The following BECN1 variants were observed in gnomAD, a reference collection of about 807,000 sequenced individuals.
BECN1 encodes the protein beclin 1, also known as beclin-1.
Under a neutral mutation model 60.1 loss-of-function variants are expected in BECN1, and 15 were observed. The ratio of observed to expected loss-of-function variants is 0.25; its 90% CI spans 0.17 to 0.38. The LOEUF is 0.38. Among genes scored for constraint, BECN1 ranks in the 10% least tolerant of loss-of-function variants. The probability of loss-of-function intolerance (pLI) is 1.00; values close to 1 mark genes in which losing one functional copy is unlikely to be tolerated. For missense variants in BECN1, 424 were observed against 548.2 expected, an observed-to-expected ratio of 0.77 and a Z score of 2.26; for synonymous variants, 179 against 201.8, an observed-to-expected ratio of 0.89 and a Z score of 0.96.
chr17:42,818,817 G>A lies in BECN1; in HGVS notation c.321C>T (p.Gly107=), dbSNP rs775465213. The A allele has an allele frequency of 1.2e-6, 2 of 1,614,108 alleles. No homozygotes were observed. Among genetic ancestry groups the A allele is most frequent in the Non-Finnish European group, 1.7e-6 (2 of 1,180,014 alleles). ...FTLIGEASDG[G]TMENLSRRLK... ...GTCTTCGGCTGAGGTTCTCCATGGTGCCGCCATCAGATGCCTCCCCAATCA... is the reference window on the plus strand; with the variant it reads ...GTCTTCGGCTGAGGTTCTCCATGGTACCGCCATCAGATGCCTCCCCAATCA... The change falls in exon 5 of 12, where the codon GGC becomes GGT. Residue 107 remains glycine, a synonymous_variant. Coordinates refer to ENST00000590099, the MANE Select transcript of BECN1 (RefSeq NM_001313998.2).
At chr17:42,816,163 G>C (rs529665175) in intron 7 of BECN1, 109 bp from the exon 8 acceptor site, 4 of 1,182,244 alleles carry the variant, frequency 3.4e-6, no homozygotes, top group Admixed American at 2.6e-5. Flanking sequence ...TCTAGCTCTC[G>C]CATCTTTTAT....
intron 9 of BECN1, 76 bp from the exon 10 acceptor site, chr17:42,814,084 T>G: frequency 9.5e-7 from 1 of 1,049,716 alleles, no homozygotes; most frequent in Non-Finnish European, 1.4e-6. Flanking sequence ...AACCCAATGA[T>G]TTCACTCTTC....
chr17:42,813,363 C>T (rs548847397), intron 10 of BECN1, among the ~76,000 whole-genome samples: 14 of 151,804 alleles, frequency 9.2e-5, no homozygotes, highest in African/African-American at 3.4e-4. Context: ...TGGTAAAACC[C>T]CATCTCTACT....
chr17:42,814,503 A>G (rs778129564), intron 9 of BECN1, 21 bp downstream of exon 9: 1 of 1,614,012 alleles, frequency 6.2e-7, no homozygotes, highest in Non-Finnish European at 8.5e-7. Flanking sequence ...TCACTCCCCA[A>G]GAAAGGGCTA....
chr17:42,820,379 C>G, intron 3 of BECN1: 2 of 190,682 alleles, frequency 1.0e-5, no homozygotes, highest in South Asian at 2.2e-4. Flanking sequence ...ACTGTCCTAA[C>G]CAGGATGCTT....
At chr17:42,814,254 A>G in intron 9 of BECN1, 1 of 567,968 alleles carries the variant, frequency 1.8e-6, no homozygotes, top group Non-Finnish European at 3.0e-6. Flanking sequence ...TAAATTTAAG[A>G]AACAAAAACT....
intron 7 of BECN1, among the ~76,000 whole-genome samples, chr17:42,816,958 A>G (rs571779339): frequency 6.6e-6 from 1 of 152,026 alleles, no homozygotes; most frequent in Non-Finnish European, 1.5e-5. Context: ...CAACAGAGTG[A>G]GACTCTGTCT....
intron 10 of BECN1, chr17:42,813,526 ACT>A (rs1268035133): frequency 6.3e-6 from 1 of 157,922 alleles, no homozygotes; most frequent in Middle Eastern, 3.0e-3. Context: ...ACAGAGCAAG[ACT>A]CTGTCTCAGA....
At position 42,814,867 on chromosome 17, in the gene BECN1, A is replaced by T. The variant is rs372481439; in HGVS notation, c.831-194T>A. ...CTGCTGCTCAGATGCCAAAGCAGAA[A>T]CCTGGGTGGTATCCTTGAATGCTCC... is the stretch of plus-strand genomic sequence containing the variant. On this transcript the variant is annotated intron_variant, in intron 8 of 11. Coordinates refer to ENST00000590099, the MANE Select transcript of BECN1 (RefSeq NM_001313998.2). 6 of 674,006 alleles carry T rather than the reference A, an allele frequency of 8.9e-6. No homozygotes were observed. The African/African-American group carries it at 1.1e-4, about 12-fold the overall frequency. 41.8% of individuals were successfully genotyped at this position (674,006 alleles called of 1,614,324 possible).
rs774450039 is a variant in BECN1, at chr17:42,823,852, T to C, written c.26A>G (p.Asn9Ser). Residue 9 changes from asparagine to serine, a missense_variant, in exon 2 of 12, where the codon AAC becomes AGC. Physicochemically the swap from Asn to Ser is conservative, Grantham distance 46. Coordinates refer to ENST00000590099, the MANE Select transcript of BECN1 (RefSeq NM_001313998.2). The part of the protein sequence containing the change: MEGSKTSN[N>S]STMQVSFVCQ... ...CACGAAGCTCACCTGCATGGTGCTG[T>C]TGTTGGACGTCTTAGACCCTTCCAT... is the stretch of plus-strand genomic sequence containing the variant. 6.8e-6 allele frequency: 11 copies of C among 1,613,988 alleles called. No individual in the cohort carries two copies. The highest frequency in any genetic ancestry group is 5.0e-5 in the Admixed American group (3 of 59,984).
chr17:42,818,716 C>A, intron 5 of BECN1, 36 bp from the exon 6 acceptor site: 1 of 1,614,004 alleles, frequency 6.2e-7, no homozygotes. Flanking sequence ...GGGCCTCCCC[C>A]ATGCTTCCTG....
chr17:42,818,211 G>T lies in BECN1; in HGVS notation c.683+10C>A, dbSNP rs1431424300. On this transcript the variant is annotated intron_variant, in intron 7 of 11. Transcript: ENST00000590099. Reference sequence around the variant, plus strand: ...CGAGTGTGAGAAGATAGAACAGGGTGAGCACTCACTGAGCTTCCTCCTGAT... The same window carrying T: ...CGAGTGTGAGAAGATAGAACAGGGTTAGCACTCACTGAGCTTCCTCCTGAT... The T allele has an allele frequency of 6.2e-7, 1 of 1,613,222 alleles. No homozygotes were observed. The highest frequency in any genetic ancestry group is 1.3e-5 in the African/African-American group (1 of 75,018).
intron 2 of BECN1, among the ~76,000 whole-genome samples, chr17:42,823,265 C>CT (rs995303568): frequency 2.6e-5 from 4 of 151,996 alleles, no homozygotes; most frequent in African/African-American, 9.7e-5. Flanking sequence ...TGAAAGCTCT[C>CT]TTTTTTTGAG....
chr17:42,817,614 C>T (rs1262167407), intron 7 of BECN1, among the ~76,000 whole-genome samples: 1 of 152,212 alleles, frequency 6.6e-6, no homozygotes, highest in Non-Finnish European at 1.5e-5. Context: ...GTGATCACAG[C>T]ACACTGTAAC....
rs752721677 is a variant in BECN1, at chr17:42,820,736, C to T, written c.198+38G>A. 27 of 1,521,122 alleles carry T rather than the reference C, an allele frequency of 1.8e-5. No homozygotes were observed. In the African/African-American group the frequency reaches 1.8e-4, roughly 10 times the overall value. 94.2% of individuals were successfully genotyped at this position (1,521,122 alleles called of 1,614,324 possible). On this transcript the variant is annotated intron_variant, in intron 3 of 11. Transcript: ENST00000590099. Reference sequence around the variant, plus strand: ...TCATATCTCTCATTTGGAATGTTTACTACATGAGGAGGATAGGGGAGAGGG... The same window carrying T: ...TCATATCTCTCATTTGGAATGTTTATTACATGAGGAGGATAGGGGAGAGGG...
intron 8 of BECN1, among the ~76,000 whole-genome samples, chr17:42,815,233 T>G (rs1457098734): frequency 6.6e-6 from 1 of 151,194 alleles, no homozygotes; most frequent in East Asian, 1.9e-4. Flanking sequence ...CACTCTCCCC[T>G]TTACACTCAA....
At chr17:42,819,467 G>A in intron 4 of BECN1, 81 bp downstream of exon 4, 1 of 1,463,640 alleles carries the variant, frequency 6.8e-7, no homozygotes, top group Non-Finnish European at 9.4e-7. Context: ...TCTATCACCT[G>A]GCTCCAGGTC....
chr17:42,823,281 G>A (rs1025482851), intron 2 of BECN1, among the ~76,000 whole-genome samples: 2 of 152,068 alleles, frequency 1.3e-5, no homozygotes, highest in African/African-American at 4.8e-5. Context: ...TTGAGACGGA[G>A]CCTCGCTCTG....
chr17:42,811,334 G>A (rs2054999190), intron 11 of BECN1: 1 of 293,010 alleles, frequency 3.4e-6, no homozygotes, highest in African/African-American at 2.2e-5. Flanking sequence ...TGGGATCCTA[G>A]AAAAATCAAA....
Sources: allele counts gnomAD v4.1 joint callset (sites outside exome capture counted in the v4.1 genomes callset), GRCh38; gene constraint gnomAD v4.1.1; transcripts MANE v1.5; gene names NCBI Gene and HGNC (gene_info 2026-07-23, HGNC 2026-07-21).